Variants in METTL24 observed in about 807,000 individuals in gnomAD.
The protein encoded by METTL24 is probable methyltransferase-like protein 24.
Under a neutral mutation model 32.7 loss-of-function variants are expected in METTL24, and 29 were observed. That is an observed-to-expected ratio of 0.89 (90% CI 0.66 to 1.21). The LOEUF is 1.21. Among genes scored for constraint, METTL24 ranks in the 50% most tolerant of loss-of-function variants. The pLI is 0.00. For missense variants in METTL24, 439 were observed against 468.1 expected, an observed-to-expected ratio of 0.94 and a Z score of 0.57; for synonymous variants, 163 against 179.5, an observed-to-expected ratio of 0.91 and a Z score of 0.73.
chr6:110,350,808 AAAATAAAAT>A (rs1772584927), intron 1 of METTL24, among the ~76,000 whole-genome samples: 1 of 148,426 alleles, frequency 6.7e-6, no homozygotes, highest in African/African-American at 2.6e-5. Context: ...AAAATAAAAT[AAAATAAAAT>A]AAAAAATTAG....
intron 4 of METTL24, among the ~76,000 whole-genome samples, chr6:110,273,231 C>T (rs1770988424): frequency 6.6e-6 from 1 of 152,136 alleles, no homozygotes; most frequent in African/African-American, 2.4e-5. Flanking sequence ...CGTCCTTTCC[C>T]TACTTTATGC....
chr6:110,290,159 A>G (rs1393418690), intron 4 of METTL24, among the ~76,000 whole-genome samples: 1 of 151,304 alleles, frequency 6.6e-6, no homozygotes, highest in Non-Finnish European at 1.5e-5. Flanking sequence ...CAAGAGATCC[A>G]CCCCCCCTCA....
At chr6:110,257,091 C>T (rs530899289) in intron 4 of METTL24, among the ~76,000 whole-genome samples, 7 of 152,150 alleles carry the variant, frequency 4.6e-5, no homozygotes, top group Non-Finnish European at 1.0e-4. Context: ...GAGAAGATGA[C>T]TTAACATAAA....
intron 1 of METTL24, among the ~76,000 whole-genome samples, chr6:110,350,372 T>C (rs1359338857): frequency 6.6e-6 from 1 of 152,132 alleles, no homozygotes; most frequent in Non-Finnish European, 1.5e-5. Context: ...CTAGTTTCAG[T>C]TGGGTCTGCC....
rs1445382318 is a variant in METTL24, at chr6:110,324,855, C to T, written c.319-1983G>A. 4.6e-5 allele frequency among the ~76,000 whole-genome samples: 7 copies of T among 152,310 alleles called. No individual in the cohort carries two copies. In the South Asian group the frequency reaches 1.5e-3, roughly 32 times the overall value. ...TGAGCCTTAGCCACTCTGTGCCAGG[C>T]ACTGGTAAATAGAGATATGACTAAA... On this transcript the variant is annotated intron_variant, in intron 1 of 4. Transcript: ENST00000338882.
rs1235256463 is a variant in METTL24, at chr6:110,244,533, T to C, written c.*1413A>G. 1.3e-5 allele frequency among the ~76,000 whole-genome samples: 2 copies of C among 152,198 alleles called. No homozygotes were observed. Among genetic ancestry groups the C allele is most frequent in the African/African-American group, 2.4e-5 (1 of 41,442 alleles). On this transcript the variant is annotated 3_prime_UTR_variant, in exon 5 of 5. Transcript: ENST00000338882. ...TAATTTATAGAGGAAAGAGATTTAATTGACTCACAGTTTAGCATGGCTGGC... is the reference window on the plus strand; with the variant it reads ...TAATTTATAGAGGAAAGAGATTTAACTGACTCACAGTTTAGCATGGCTGGC...
At chr6:110,332,552 G>T in intron 1 of METTL24, 6 of 867,044 alleles carry the variant, frequency 6.9e-6, no homozygotes, top group Non-Finnish European at 6.9e-6. Flanking sequence ...GTTTCATTGA[G>T]GTAGCACATC....
chr6:110,273,000 T>G (rs575540403), intron 4 of METTL24, among the ~76,000 whole-genome samples: 64 of 152,276 alleles, frequency 4.2e-4, no homozygotes, highest in African/African-American at 1.5e-3. Flanking sequence ...TTGTTTCTGT[T>G]GCATCTGCTT....
At chr6:110,327,810 C>G (rs61704264) in intron 1 of METTL24, among the ~76,000 whole-genome samples, 11,384 of 152,200 alleles carry the variant, frequency 0.075, 1,098 homozygotes, top group African/African-American at 0.22. Flanking sequence ...CTTTTTAAAA[C>G]CTCTTTTTAA....
rs946418735 is a variant in METTL24, at chr6:110,275,094, T to C, written c.786+23828A>G. ...GATTACAGGTGTGAGCCACCATGCC[T>C]GTCTGCTTGCCTGATATTTTTAATG... On this transcript the variant is annotated intron_variant, in intron 4 of 4. Coordinates refer to ENST00000338882, the MANE Select transcript of METTL24 (RefSeq NM_001123364.3). Among the ~76,000 whole-genome samples, 12 of 151,848 alleles carry C rather than the reference T, an allele frequency of 7.9e-5. No homozygotes were observed. The South Asian group carries it at 1.7e-3, about 21-fold the overall frequency.
chr6:110,326,587 T>C (rs1772021137), intron 1 of METTL24, among the ~76,000 whole-genome samples: 1 of 152,224 alleles, frequency 6.6e-6, no homozygotes, highest in African/African-American at 2.4e-5. Context: ...AGTGGGCTCA[T>C]TCAAACTGGC....
At chr6:110,348,932 C>A (rs1772536516) in intron 1 of METTL24, among the ~76,000 whole-genome samples, 1 of 152,182 alleles carries the variant, frequency 6.6e-6, no homozygotes. Context: ...TGCACCACAG[C>A]ACTGTTTGTA....
intron 1 of METTL24, among the ~76,000 whole-genome samples, chr6:110,353,129 C>T (rs889061965): frequency 2.6e-5 from 4 of 152,216 alleles, no homozygotes; most frequent in Non-Finnish European, 1.5e-5. Context: ...TAATAAAAAC[C>T]TGCTTTTCTT....
At chr6:110,356,288 C>CA (rs1772695368) in intron 1 of METTL24, among the ~76,000 whole-genome samples, 1 of 151,930 alleles carries the variant, frequency 6.6e-6, no homozygotes, top group African/African-American at 2.4e-5. Context: ...ATTAAAAATA[C>CA]AAAAATTAGC....
chr6:110,262,512 G>C (rs533487714), intron 4 of METTL24, among the ~76,000 whole-genome samples: 1 of 152,164 alleles, frequency 6.6e-6, no homozygotes, highest in Non-Finnish European at 1.5e-5. Context: ...GGACCAGATG[G>C]ATTCACAGCT....
chr6:110,334,830 G>C (rs1240017292), intron 1 of METTL24, among the ~76,000 whole-genome samples: 8 of 152,082 alleles, frequency 5.3e-5, no homozygotes. Flanking sequence ...CTTGCCATTT[G>C]ACAATGATAC....
intron 4 of METTL24, among the ~76,000 whole-genome samples, chr6:110,284,397 A>G (rs913537963): frequency 6.6e-6 from 1 of 152,210 alleles, no homozygotes; most frequent in Non-Finnish European, 1.5e-5. Context: ...TAAAAATTAA[A>G]AAGAGACTTC....
At chr6:110,297,172 C>T (rs1024743938) in intron 4 of METTL24, among the ~76,000 whole-genome samples, 8 of 152,130 alleles carry the variant, frequency 5.3e-5, no homozygotes, top group African/African-American at 1.7e-4. Flanking sequence ...AAGCATTTCT[C>T]CTTTCTAGGC....
intron 4 of METTL24, chr6:110,253,993 C>A (rs1044520378): frequency 7.7e-6 from 10 of 1,302,400 alleles, no homozygotes; most frequent in Non-Finnish European, 9.9e-6. Context: ...GAGCAGCTCC[C>A]CTTTGATCTC....
Sources: allele counts gnomAD v4.1 joint callset (sites outside exome capture counted in the v4.1 genomes callset), GRCh38; gene constraint gnomAD v4.1.1; transcripts MANE v1.5; gene names NCBI Gene and HGNC (gene_info 2026-07-23, HGNC 2026-07-21).